Variants in PTPRD observed in about 807,000 individuals in gnomAD.
The protein encoded by PTPRD is protein tyrosine phosphatase receptor type D, also known as receptor-type tyrosine-protein phosphatase delta.
In PTPRD, 34 loss-of-function variants were observed where a neutral mutation model predicts 214.5. That is an observed-to-expected ratio of 0.16 (90% CI 0.12 to 0.21). PTPRD has a LOEUF of 0.21. Among genes scored for constraint, PTPRD ranks in the 10% least tolerant of loss-of-function variants. PTPRD has a pLI of 1.00. For missense variants in PTPRD, 2,545 were observed against 2,398.7 expected (o/e 1.06, Z -1.27); for synonymous variants, 1,128 against 845.7 (o/e 1.33, Z -5.79).
At chr9:10,101,783 C>T (rs771332016) in intron 3 of PTPRD, among the ~76,000 whole-genome samples, 1 of 151,634 alleles carries the variant, frequency 6.6e-6, no homozygotes, top group African/African-American at 2.4e-5. Context: ...GATATAAAAT[C>T]ATAAATCCTA....
chr9:9,996,130 C>T (rs1160283692), intron 4 of PTPRD, among the ~76,000 whole-genome samples: 1 of 152,008 alleles, frequency 6.6e-6, no homozygotes, highest in Admixed American at 6.6e-5. Context: ...TATCTTTCTA[C>T]TGTGATTATA....
intron 8 of PTPRD, among the ~76,000 whole-genome samples, chr9:9,456,339 T>TA (rs2092995206): frequency 1.3e-5 from 2 of 151,832 alleles, no homozygotes; most frequent in South Asian, 2.1e-4. Context: ...TGATTAGGAA[T>TA]AAAAAAATAT....
chr9:8,608,583 C>A (rs1041528531), intron 14 of PTPRD, among the ~76,000 whole-genome samples: 13 of 150,888 alleles, frequency 8.6e-5, no homozygotes, highest in Non-Finnish European at 1.8e-4. Context: ...CCATCCCCTG[C>A]TCCAGGGCAG....
chr9:8,713,825 C>G (rs2098398789), intron 12 of PTPRD: 3 of 1,515,060 alleles, frequency 2.0e-6, no homozygotes, highest in Non-Finnish European at 1.8e-6. Flanking sequence ...ACCAAGAGGC[C>G]CAACACCTTC....
intron 3 of PTPRD, among the ~76,000 whole-genome samples, chr9:10,057,499 GAA>G (rs35323571): frequency 0.3 from 45,761 of 151,816 alleles, 8,458 homozygotes; most frequent in East Asian, 0.53. Flanking sequence ...CATTAAAGAA[GAA>G]AAAAATCCTC....
At chr9:9,165,850 T>C (rs1020185775) in intron 10 of PTPRD, among the ~76,000 whole-genome samples, 3 of 152,170 alleles carry the variant, frequency 2.0e-5, no homozygotes, top group South Asian at 2.1e-4. Flanking sequence ...TATAAAGACA[T>C]AGATATAGCA....
intron 11 of PTPRD, among the ~76,000 whole-genome samples, chr9:8,922,408 C>T (rs150788232): frequency 7.9e-5 from 12 of 152,142 alleles, no homozygotes; most frequent in Non-Finnish European, 1.6e-4. Context: ...GCTAAATGAA[C>T]CATTACTCCA....
chr9:9,573,113 T>C (rs979389335), intron 8 of PTPRD, among the ~76,000 whole-genome samples: 4 of 151,644 alleles, frequency 2.6e-5, no homozygotes, highest in African/African-American at 4.8e-5. Context: ...ACTATCAATA[T>C]TAGAAAGGGT....
chr9:10,399,937 T>G (rs563258969), intron 2 of PTPRD, among the ~76,000 whole-genome samples: 3 of 151,966 alleles, frequency 2.0e-5, no homozygotes, highest in Admixed American at 1.3e-4. Context: ...GATGTTATAT[T>G]TATGCTGTTG....
In PTPRD at chr9:9,281,914, A is replaced by C. The variant is rs568954513; in HGVS notation, c.-202-98551T>G. Among the ~76,000 whole-genome samples the C allele has an allele frequency of 2.0e-5, 3 of 151,528 alleles. No homozygotes were observed. The South Asian group carries it at 6.2e-4, about 31-fold the overall frequency. On this transcript the variant is annotated intron_variant, in intron 9 of 45. Coordinates refer to ENST00000381196, the MANE Select transcript of PTPRD (RefSeq NM_002839.4). ...ATATCCAGATGATGAAATATTATTC[A>C]GCACTAAAATATTATTCAACATGAG...
chr9:9,636,013 C>T (rs945549634), intron 7 of PTPRD, among the ~76,000 whole-genome samples: 1 of 152,140 alleles, frequency 6.6e-6, no homozygotes, highest in African/African-American at 2.4e-5. Flanking sequence ...ATATGTAAGG[C>T]TTTCTCCAGC....
intron 3 of PTPRD, among the ~76,000 whole-genome samples, chr9:10,286,463 A>G (rs1209957026): frequency 1.3e-5 from 2 of 152,182 alleles, no homozygotes; most frequent in Admixed American, 6.5e-5. Flanking sequence ...ATTTAAAAAA[A>G]TTAAAAATTA....
intron 11 of PTPRD, among the ~76,000 whole-genome samples, chr9:8,832,199 A>G (rs1232763659): frequency 6.6e-6 from 1 of 152,078 alleles, no homozygotes; most frequent in Non-Finnish European, 1.5e-5. Flanking sequence ...GAATCCTGCA[A>G]TAAAAACGTT....
chr9:10,366,321 A>G (rs1177397179), intron 2 of PTPRD, among the ~76,000 whole-genome samples: 1 of 152,194 alleles, frequency 6.6e-6, no homozygotes, highest in African/African-American at 2.4e-5. Context: ...TGTATACAGA[A>G]TACGGAAGGC....
intron 7 of PTPRD, among the ~76,000 whole-genome samples, chr9:9,608,818 G>C (rs1331682931): frequency 6.6e-6 from 1 of 152,052 alleles, no homozygotes; most frequent in Non-Finnish European, 1.5e-5. Context: ...TTGATTCCTT[G>C]GTCGATTATT....
At chr9:10,161,194 C>T (rs1282644016) in intron 3 of PTPRD, among the ~76,000 whole-genome samples, 3 of 151,742 alleles carry the variant, frequency 2.0e-5, no homozygotes, top group Non-Finnish European at 4.4e-5. Flanking sequence ...TAACATTATT[C>T]ACACAAATTT....
chr9:10,451,203 T>A (rs561185431), intron 2 of PTPRD, among the ~76,000 whole-genome samples: 2 of 152,048 alleles, frequency 1.3e-5, no homozygotes, highest in South Asian at 2.1e-4. Context: ...GATACCAATT[T>A]GAGGCTCTAT....
intron 8 of PTPRD, among the ~76,000 whole-genome samples, chr9:9,466,493 AT>A (rs2094166289): frequency 6.6e-6 from 1 of 152,180 alleles, no homozygotes; most frequent in Admixed American, 6.5e-5. Context: ...AGTTTACATA[AT>A]TTAATTGAAG....
rs1341672103 is a variant in PTPRD, at chr9:8,501,011, G to A, written c.1871C>T (p.Thr624Ile). 6.2e-7 allele frequency: 1 copy of A among 1,613,934 alleles called. No homozygotes were observed. The highest frequency in any genetic ancestry group is 8.5e-7 in the Non-Finnish European group (1 of 1,180,002). Residue 624 changes from threonine (T) to isoleucine (I), a missense_variant, in exon 24 of 46, where the codon ACT becomes ATT. Coordinates refer to ENST00000381196, the MANE Select transcript of PTPRD (RefSeq NM_002839.4). ...AGGTTGCCAACTTACCAAAATACTA[G>A]TGGAACTTGGGCTGGTGCAACTAAT... ...QDISCTSPSSTSILVSWQPPP... is the reference protein window; with the variant it reads ...QDISCTSPSSISILVSWQPPP...
Sources: gnomAD v4.1 joint callset for allele counts (sites outside exome capture counted in the v4.1 genomes callset) on GRCh38, gnomAD v4.1.1 for gene constraint, MANE v1.5 for transcripts, NCBI Gene and HGNC (gene_info 2026-07-23, HGNC 2026-07-21) for gene names.